Variants in FAM120C observed in about 807,000 individuals in gnomAD.
The protein encoded by FAM120C is constitutive coactivator of PPAR-gamma-like protein 2.
A neutral mutation model predicts 71.2 loss-of-function variants in FAM120C; 14 were observed. The ratio of observed to expected loss-of-function variants is 0.20; its 90% confidence interval spans 0.13 to 0.31. The LOEUF is 0.31. Among genes scored for constraint, FAM120C ranks in the 10% least tolerant of loss-of-function variants. The pLI is 1.00. For missense variants in FAM120C, 500 were observed against 879.0 expected (o/e 0.57, Z 5.45); for synonymous variants, 354 against 353.2 (o/e 1.00, Z -0.03).
At chrX:54,108,566 T>C (rs2066918668) in intron 10 of FAM120C, among the ~76,000 whole-genome samples, 1 of 111,486 alleles carries the variant, frequency 9.0e-6, no homozygotes. Context: ...AACAATGTGA[T>C]ATTGATGAGG....
At chrX:54,157,941 T>C (rs1557133929) in intron 2 of FAM120C, among the ~76,000 whole-genome samples, 170 bp from the exon 3 acceptor site, 1 of 112,227 alleles carries the variant, frequency 8.9e-6, no homozygotes, top group Non-Finnish European at 1.9e-5. Flanking sequence ...TTCATGTGCA[T>C]TATATGTATC....
intron 10 of FAM120C, among the ~76,000 whole-genome samples, chrX:54,104,387 G>A (rs1246682877): frequency 8.9e-6 from 1 of 112,079 alleles, no homozygotes; most frequent in African/African-American, 3.2e-5. Context: ...CCTACCTGGT[G>A]TTTACTTGAT....
At chrX:54,074,928 C>T (rs1557120445) in intron 15 of FAM120C, among the ~76,000 whole-genome samples, 2 of 111,540 alleles carry the variant, frequency 1.8e-5, no homozygotes, top group African/African-American at 3.3e-5. Context: ...GAGGCCAAGG[C>T]GGGCAGATTG....
rs2066717047 is a variant in FAM120C at position 54,072,852 on chromosome X, C to G, written c.*181G>C. ...GACCAGAACTTCTCCAGAAACAGAC[C>G]ACTGAATCTGAAGTCCCAGAAACAG... is the stretch of plus-strand genomic sequence containing the variant. On this transcript the variant is annotated 3_prime_UTR_variant, in exon 16 of 16. Transcript: ENST00000375180. 2 of 473,396 alleles carry G rather than the reference C, an allele frequency of 4.2e-6. No individual in the cohort carries two copies. The highest frequency in any genetic ancestry group is 2.4e-5 in the African/African-American group (1 of 41,314). The allele number at this position is 473,396 out of a possible 1,213,427, so 39.0% of individuals were successfully genotyped here. A position where few individuals can be genotyped will look rare whatever the true frequency, so the allele number is the denominator to read the frequency against.
chrX:54,150,241 G>A (rs2067177723), intron 4 of FAM120C, among the ~76,000 whole-genome samples: 1 of 111,808 alleles, frequency 8.9e-6, no homozygotes, highest in Non-Finnish European at 1.9e-5. Flanking sequence ...CACCTTAAAT[G>A]TGCTCAGAAT....
chrX:54,088,098 T>G (rs1328744257), intron 11 of FAM120C, 134 bp from the exon 12 acceptor site: 1 of 514,794 alleles, frequency 1.9e-6, no homozygotes, highest in Non-Finnish European at 3.2e-6. Flanking sequence ...TCTCAGTGCA[T>G]AAGCAGCTTC....
intron 10 of FAM120C, among the ~76,000 whole-genome samples, chrX:54,111,431 C>A (rs1475307711): frequency 9.1e-6 from 1 of 110,350 alleles, no homozygotes; most frequent in African/African-American, 3.3e-5. Flanking sequence ...TAAATGAACC[C>A]AGTAAAGTGT....
At chrX:54,171,238 CAAACA>C (rs1409719698) in intron 1 of FAM120C, among the ~76,000 whole-genome samples, 1 of 110,731 alleles carries the variant, frequency 9.0e-6, no homozygotes, top group Non-Finnish European at 1.9e-5. Context: ...CTAAAACAAA[CAAACA>C]AAACAAAACC....
At chrX:54,122,217 G>C (rs2067002107) in intron 9 of FAM120C, among the ~76,000 whole-genome samples, 1 of 19,781 alleles carries the variant, frequency 5.1e-5, no homozygotes, top group Non-Finnish European at 8.2e-5. Context: ...GGAGAGTTCT[G>C]TAGATGTCTA....
chrX:54,096,227 A>G (rs191722376), intron 10 of FAM120C, among the ~76,000 whole-genome samples: 2 of 108,792 alleles, frequency 1.8e-5, no homozygotes, highest in African/African-American at 6.7e-5. Context: ...CGTGACCAAC[A>G]TGGTGAAACC....
intron 3 of FAM120C, among the ~76,000 whole-genome samples, chrX:54,156,585 T>TA (rs1215103687): frequency 2.9e-5 from 3 of 104,912 alleles, no homozygotes; most frequent in Non-Finnish European, 3.9e-5. Flanking sequence ...ACTGTTAAGT[T>TA]AAAAAAAAAA....
intron 15 of FAM120C, among the ~76,000 whole-genome samples, chrX:54,074,626 A>G (rs782637556): frequency 7.1e-5 from 8 of 112,262 alleles, no homozygotes; most frequent in Non-Finnish European, 1.3e-4. Context: ...CATGTTGGTC[A>G]GGCTGGTCTC....
chrX:54,086,017 A>G, intron 12 of FAM120C, 101 bp from the exon 13 acceptor site: 2 of 723,608 alleles, frequency 2.8e-6, no homozygotes, highest in East Asian at 3.2e-5. Context: ...TCACAATTCT[A>G]TTCCCATTAA....
chrX:54,116,872 A>G, intron 9 of FAM120C, 78 bp from the exon 10 acceptor site: 1 of 1,070,269 alleles, frequency 9.3e-7, no homozygotes, highest in Non-Finnish European at 1.3e-6. Flanking sequence ...GGACATTGAC[A>G]GGCTCCATTG....
chrX:54,088,223 G>C (rs2066804341), intron 11 of FAM120C, among the ~76,000 whole-genome samples: 1 of 111,023 alleles, frequency 9.0e-6, no homozygotes, highest in Admixed American at 9.7e-5. Context: ...AGAAAGTAAA[G>C]GCTGAAAGAA....
chrX:54,105,789 G>C lies in FAM120C; in HGVS notation c.2312+10756C>G, dbSNP rs186189073. Among the ~76,000 whole-genome samples, 5 of 111,547 alleles carry C rather than the reference G, an allele frequency of 4.5e-5. No homozygotes were observed. In the East Asian group the frequency reaches 1.4e-3, roughly 31 times the overall value. On this transcript the variant is annotated intron_variant, in intron 10 of 15. Coordinates refer to ENST00000375180, the MANE Select transcript of FAM120C (RefSeq NM_017848.6). ...TAACAGACAAACAGAGCCAAATCAT[G>C]AGTGAACTCCCATTCACAACTGCTA...
At chrX:54,083,145 GCAA>G (rs2066775350) in intron 13 of FAM120C, among the ~76,000 whole-genome samples, 1 of 108,936 alleles carries the variant, frequency 9.2e-6, no homozygotes, top group African/African-American at 3.3e-5. Context: ...AGCAAGAACA[GCAA>G]CAATTGAAAA....
intron 14 of FAM120C, among the ~76,000 whole-genome samples, chrX:54,080,652 G>T (rs1219539905): frequency 1.8e-5 from 2 of 110,843 alleles, no homozygotes; most frequent in Non-Finnish European, 3.8e-5. Flanking sequence ...CTGAGGTCAG[G>T]AGTTTGAGAC....
chrX:54,153,094 T>G (rs2067191829), intron 3 of FAM120C, among the ~76,000 whole-genome samples: 1 of 110,344 alleles, frequency 9.1e-6, no homozygotes, highest in Admixed American at 9.8e-5. Flanking sequence ...CAGAGAAGAG[T>G]AGAGAAGAAG....
Sources: gnomAD v4.1 joint callset for allele counts (sites outside exome capture counted in the v4.1 genomes callset) on GRCh38, gnomAD v4.1.1 for gene constraint, MANE v1.5 for transcripts, NCBI Gene and HGNC (gene_info 2026-07-23, HGNC 2026-07-21) for gene names.